The following CLSTN2 variants were observed in gnomAD, a reference collection of about 807,000 sequenced individuals.
The protein encoded by CLSTN2 is calsyntenin 2, also known as calsyntenin-2.
CLSTN2 carries 48 observed loss-of-function variants against 101.2 expected under a neutral mutation model. The ratio of observed to expected loss-of-function variants is 0.47; its 90% CI spans 0.38 to 0.60. The LOEUF is 0.60. Ranked by LOEUF, CLSTN2 falls within the 20% of genes least tolerant of loss-of-function variation. CLSTN2 has a pLI of 0.00. For synonymous variants in CLSTN2, 481 were observed against 463.6 expected, an observed-to-expected ratio of 1.04 and a Z score of -0.48; for missense variants, 1,160 against 1,238.2, an observed-to-expected ratio of 0.94 and a Z score of 0.95.
chr3:140,290,637 A>G (rs2086938364), intron 2 of CLSTN2, among the ~76,000 whole-genome samples: 1 of 152,220 alleles, frequency 6.6e-6, no homozygotes, highest in Non-Finnish European at 1.5e-5. Flanking sequence ...TGACAAGGAA[A>G]GGCTTTCCCT....
chr3:140,400,502 C>A (rs565176323), intron 2 of CLSTN2, among the ~76,000 whole-genome samples: 17 of 152,228 alleles, frequency 1.1e-4, no homozygotes, highest in African/African-American at 4.1e-4. Context: ...AGTTCGAGAC[C>A]AGCTTGGACA....
intron 5 of CLSTN2, among the ~76,000 whole-genome samples, chr3:140,444,186 T>G (rs1933024872): frequency 6.6e-6 from 1 of 152,130 alleles, no homozygotes; most frequent in African/African-American, 2.4e-5. Context: ...TTCTAGCACT[T>G]TGGAAGGCTG....
chr3:140,535,983 AAC>A (rs1238728331), intron 9 of CLSTN2, among the ~76,000 whole-genome samples: 1 of 136,888 alleles, frequency 7.3e-6, no homozygotes, highest in Non-Finnish European at 1.6e-5. Context: ...AATTTTTAAA[AAC>A]ACACAAGAAT....
At chr3:140,517,478 C>T (rs750349969) in intron 8 of CLSTN2, among the ~76,000 whole-genome samples, 2 of 152,152 alleles carry the variant, frequency 1.3e-5, no homozygotes, top group Non-Finnish European at 2.9e-5. Flanking sequence ...GACTCAAGGG[C>T]TGCTGTTCAG....
rs573086187 is a variant in CLSTN2 at position 140,569,242 on chromosome 3, A to C, written c.*2989A>C. 1.6e-4 allele frequency: 25 copies of C among 152,394 alleles called. No homozygotes were observed. Among genetic ancestry groups the C allele is most frequent in the African/African-American group, 6.0e-4 (25 of 41,568 alleles). The allele number at this position is 152,394 out of a possible 1,614,324, so 9.4% of individuals were successfully genotyped here. ...CATTTTCCACCCTCCATATGCTGGC[A>C]TCCAGGAACCAAAACCCCTGAAGGC... is the stretch of plus-strand genomic sequence containing the variant. On this transcript the variant is annotated 3_prime_UTR_variant, in exon 17 of 17. Transcript: ENST00000458420.
intron 8 of CLSTN2, among the ~76,000 whole-genome samples, chr3:140,526,158 G>T (rs1935133211): frequency 6.6e-6 from 1 of 152,072 alleles, no homozygotes; most frequent in East Asian, 1.9e-4. Context: ...CAAATGATAT[G>T]ATTCCTTACT....
chr3:140,494,299 C>G (rs1934415817), intron 8 of CLSTN2, among the ~76,000 whole-genome samples: 1 of 152,168 alleles, frequency 6.6e-6, no homozygotes, highest in African/African-American at 2.4e-5. Flanking sequence ...TTATGACGTT[C>G]TCCTTCACAA....
At chr3:140,144,547 C>A (rs968782633) in intron 1 of CLSTN2, among the ~76,000 whole-genome samples, 1 of 152,014 alleles carries the variant, frequency 6.6e-6, no homozygotes, top group Admixed American at 6.6e-5. Context: ...ACCCAGGAGG[C>A]GTAGGTTGCA....
intron 1 of CLSTN2, among the ~76,000 whole-genome samples, chr3:139,949,054 A>T (rs57551740): frequency 6.6e-6 from 1 of 151,882 alleles, no homozygotes; most frequent in Non-Finnish European, 1.5e-5. Context: ...GTCTCCTCCT[A>T]TGCTTTGTCC....
At chr3:140,448,209 C>CTGTGTGTGTG (rs55857773) in intron 5 of CLSTN2, among the ~76,000 whole-genome samples, 17 of 148,410 alleles carry the variant, frequency 1.1e-4, no homozygotes, top group African/African-American at 3.0e-4. Context: ...GAGGGTGTGA[C>CTGTGTGTGTG]TGTGTGTGTG....
At chr3:140,198,593 A>T (rs976142644) in intron 2 of CLSTN2, among the ~76,000 whole-genome samples, 5 of 152,180 alleles carry the variant, frequency 3.3e-5, no homozygotes, top group African/African-American at 1.2e-4. Flanking sequence ...TTTTGGAAAG[A>T]TAACAGCAGG....
intron 1 of CLSTN2, among the ~76,000 whole-genome samples, chr3:139,959,379 T>A (rs770688194): frequency 6.6e-6 from 1 of 152,228 alleles, no homozygotes; most frequent in Admixed American, 6.5e-5. Context: ...GTGTCGTTAG[T>A]TTCTTCTTAG....
At chr3:139,949,324 G>C (rs966257186) in intron 1 of CLSTN2, among the ~76,000 whole-genome samples, 4 of 152,178 alleles carry the variant, frequency 2.6e-5, no homozygotes, top group South Asian at 2.1e-4. Flanking sequence ...TTTGCCTTGT[G>C]GGGGAATGTA....
intron 8 of CLSTN2, among the ~76,000 whole-genome samples, chr3:140,467,195 C>T (rs1294188170): frequency 2.6e-5 from 4 of 152,190 alleles, no homozygotes; most frequent in African/African-American, 9.6e-5. Context: ...AGTGCATGCT[C>T]TTTTCTGAAG....
rs76952882 is a variant in CLSTN2, at chr3:140,137,372, T to A, written c.110-38579T>A. ...TGCCAACCCGCATCATTCTTATACATCCTGAGCATAGATCAAGGATCACCT... is the reference window on the plus strand; with the variant it reads ...TGCCAACCCGCATCATTCTTATACAACCTGAGCATAGATCAAGGATCACCT... On this transcript the variant is annotated intron_variant, in intron 1 of 16. Transcript: ENST00000458420. Among the ~76,000 whole-genome samples, 6 of 97,180 alleles carry A rather than the reference T, an allele frequency of 6.2e-5. No homozygotes were observed. In the Admixed American group the frequency reaches 6.5e-4, roughly 11 times the overall value. 63.8% of individuals were successfully genotyped at this position (97,180 alleles called of 152,430 possible).
At chr3:140,244,587 C>G (rs1052367064) in intron 2 of CLSTN2, among the ~76,000 whole-genome samples, 7 of 152,258 alleles carry the variant, frequency 4.6e-5, no homozygotes, top group Admixed American at 6.5e-5. Context: ...TAAGTTCATG[C>G]CTGGCACATA....
At chr3:140,394,726 C>T (rs944532331) in intron 2 of CLSTN2, among the ~76,000 whole-genome samples, 3 of 152,176 alleles carry the variant, frequency 2.0e-5, no homozygotes, top group East Asian at 1.9e-4. Context: ...GGGCACAGAA[C>T]GATGTAGGCT....
At chr3:140,178,726 G>A (rs2010361464) in intron 2 of CLSTN2, among the ~76,000 whole-genome samples, 2 of 152,130 alleles carry the variant, frequency 1.3e-5, no homozygotes, top group African/African-American at 4.8e-5. Flanking sequence ...ATCTTAAAAA[G>A]AAAATACCGA....
At chr3:140,301,751 A>G (rs529986227) in intron 2 of CLSTN2, among the ~76,000 whole-genome samples, 47 of 152,326 alleles carry the variant, frequency 3.1e-4, no homozygotes, top group Non-Finnish European at 5.3e-4. Context: ...CTGTGTAGGC[A>G]GGGAGACCAG....
Sources: gnomAD v4.1 joint callset for allele counts (sites outside exome capture counted in the v4.1 genomes callset) on GRCh38, gnomAD v4.1.1 for gene constraint, MANE v1.5 for transcripts, NCBI Gene and HGNC (gene_info 2026-07-23, HGNC 2026-07-21) for gene names.